Variants in COL6A2 observed in about 807,000 individuals in gnomAD.
COL6A2 encodes collagen type VI alpha 2 chain.
COL6A2 carries 90 observed loss-of-function variants against 124.9 expected under a neutral mutation model. The observed-to-expected ratio is 0.72, with a 90% CI of 0.61 to 0.86. COL6A2 has a LOEUF of 0.86. Ranked by LOEUF, COL6A2 falls within the 40% of genes least tolerant of loss-of-function variation. The pLI, the probability that COL6A2 is intolerant of heterozygous loss-of-function variation, is 0.00. For synonymous variants in COL6A2, 793 were observed against 618.2 expected, an observed-to-expected ratio of 1.28 and a Z score of -4.19; for missense variants, 1,607 against 1,502.5, an observed-to-expected ratio of 1.07 and a Z score of -1.15.
chr21:46,125,367 T>A (rs1421864546), intron 24 of COL6A2, 56 bp downstream of exon 24: 1 of 1,601,958 alleles, frequency 6.2e-7, no homozygotes, highest in Non-Finnish European at 8.5e-7. Context: ...AGGGCGGGAG[T>A]GCAGCAGGGC....
intron 12 of COL6A2, among the ~76,000 whole-genome samples, chr21:46,118,285 C>A (rs1450948166): frequency 6.6e-6 from 1 of 152,148 alleles, no homozygotes; most frequent in Non-Finnish European, 1.5e-5. Context: ...TCGCCCCGCC[C>A]CTGGCGGCCC....
At chr21:46,131,874 A>G in intron 27 of COL6A2, 80 bp from the exon 28 acceptor site, 4 of 1,347,858 alleles carry the variant, frequency 3.0e-6, no homozygotes, top group Non-Finnish European at 4.1e-6. Flanking sequence ...TGCGAATGGA[A>G]GGGCACAGGT....
rs145527336 is a variant in COL6A2 at position 46,132,277 on chromosome 21, G to C, written c.2785G>C (p.Val929Leu). ...CGTGGTGCACGCCATCAATGCCATC[G>C]TGCGCAGCCCGCGTGGCGGGGCCCG... ...AGVVHAINAI[V>L]RSPRGGARRH... The change falls in exon 28 of 28, where the codon GTG becomes CTG. Residue 929 changes from valine (V) to leucine (L), a missense_variant. Coordinates refer to ENST00000300527, the MANE Select transcript of COL6A2 (RefSeq NM_001849.4). 1 of 1,606,742 alleles carries C rather than the reference G, an allele frequency of 6.2e-7. No homozygotes were observed. The highest frequency in any genetic ancestry group is 8.5e-7 in the Non-Finnish European group (1 of 1,179,036).
At chr21:46,127,087 G>C (rs867847134) in intron 27 of COL6A2, among the ~76,000 whole-genome samples, 4 of 152,168 alleles carry the variant, frequency 2.6e-5, no homozygotes, top group African/African-American at 4.8e-5. Context: ...TGGGGGTGCC[G>C]TCCAGGCTCT....
At chr21:46,122,731 T>C in intron 20 of COL6A2, 144 bp from the exon 21 acceptor site, 2 of 874,582 alleles carry the variant, frequency 2.3e-6, no homozygotes, top group Non-Finnish European at 1.7e-6. Flanking sequence ...CAACCAAAGT[T>C]CAGGCTTTGC....
At chr21:46,121,692 C>A in intron 18 of COL6A2, 74 bp downstream of exon 18, 2 of 1,445,724 alleles carry the variant, frequency 1.4e-6, no homozygotes, top group Non-Finnish European at 9.7e-7. Flanking sequence ...AGGGGGCCGG[C>A]CTGGGGGACC....
chr21:46,120,616 T>C (rs2078549393), intron 16 of COL6A2, 39 bp downstream of exon 16: 11 of 1,436,012 alleles, frequency 7.7e-6, no homozygotes, highest in Non-Finnish European at 1.0e-5. Flanking sequence ...AGGTAGGGGA[T>C]CTGAGGGGGT....
chr21:46,125,281 A>T lies in COL6A2; in HGVS notation c.1786A>T (p.Thr596Ser). 2 of 1,612,112 alleles carry T rather than the reference A, an allele frequency of 1.2e-6. No homozygotes were observed. Among genetic ancestry groups the T allele is most frequent in the Non-Finnish European group, 1.7e-6 (2 of 1,179,564 alleles). Residue 596 changes from threonine (T) to serine (S), a missense_variant, in exon 24 of 28, where the codon ACC (threonine) becomes TCC (serine). This residue lies in a region of COL6A2 where 1,223 missense variants were observed against 1,052.2 expected (regional missense o/e 1.16). Coordinates refer to ENST00000300527, the MANE Select transcript of COL6A2 (RefSeq NM_001849.4). Reference protein sequence around the residue: ...DPGLTECDVMTYVRETCGCCD... With the variant: ...DPGLTECDVMSYVRETCGCCD... ...TGCATTGCAGGAGTGTGACGTCATG[A>T]CCTACGTGAGGGAGACCTGCGGGTG...
chr21:46,109,010 G>A (rs1210282505), intron 1 of COL6A2, among the ~76,000 whole-genome samples: 2 of 152,140 alleles, frequency 1.3e-5, no homozygotes, highest in African/African-American at 4.8e-5. Context: ...TGTCTTGTCG[G>A]CGGGTTGTCT....
In COL6A2 at chr21:46,125,958, A is replaced by C. The variant is rs780020278; in HGVS notation, c.2143A>C (p.Ile715Leu). ...CCTCAAGTTTGCCTACGACCGCCTC[A>C]TCAAGGAGAGCCGGCGCCAGAAGAC... The part of the protein sequence containing the change: ...SALKFAYDRL[I>L]KESRRQKTRV... The change falls in exon 26 of 28, where the codon ATC becomes CTC. Residue 715 changes from isoleucine (I) to leucine (L), a missense_variant. This residue lies in a region of COL6A2 where 1,223 missense variants were observed against 1,052.2 expected (regional missense o/e 1.16). Coordinates refer to ENST00000300527, the MANE Select transcript of COL6A2 (RefSeq NM_001849.4). The C allele has an allele frequency of 6.2e-7, 1 of 1,613,170 alleles. No homozygotes were observed. Among genetic ancestry groups the C allele is most frequent in the Non-Finnish European group, 8.5e-7 (1 of 1,179,918 alleles).
At chr21:46,129,388 C>T (rs749887660) in intron 27 of COL6A2, 2 of 1,613,016 alleles carry the variant, frequency 1.2e-6, no homozygotes, top group South Asian at 1.1e-5. Flanking sequence ...AAGTTCGCCA[C>T]CGGGGTAGAG....
chr21:46,130,681 C>T (rs16978897), intron 27 of COL6A2, among the ~76,000 whole-genome samples: 3,124 of 152,328 alleles, frequency 0.021, 117 homozygotes, highest in African/African-American at 0.071. Flanking sequence ...ACCAGCTGCC[C>T]CTTGCATGTC....
intron 14 of COL6A2, 62 bp from the exon 15 acceptor site, chr21:46,119,726 C>T (rs1249904857): frequency 2.0e-6 from 3 of 1,465,530 alleles, no homozygotes. Flanking sequence ...CAGCCCCCAC[C>T]CTCCACAGGC....
In COL6A2 at chr21:46,119,786, A is replaced by C; in HGVS notation, c.1270-2A>C. The stretch of plus-strand genomic sequence containing the variant: ...CCTCACCCACACGCCTGTTCTCTGC[A>C]GGGGCGCAGGGGAGACCCCGGCACC... On this transcript the variant is annotated splice_acceptor_variant, in intron 14 of 27. Transcript: ENST00000300527. LOFTEE classifies it high-confidence loss of function. The C allele has an allele frequency of 6.4e-7, 1 of 1,559,594 alleles. No homozygotes were observed. The highest frequency in any genetic ancestry group is 8.7e-7 in the Non-Finnish European group (1 of 1,151,378).
chr21:46,110,630 G>A (rs1196540427), intron 1 of COL6A2, among the ~76,000 whole-genome samples: 2 of 152,080 alleles, frequency 1.3e-5, no homozygotes, highest in African/African-American at 4.8e-5. Flanking sequence ...CCTAGTCCCG[G>A]TGCTTGGACA....
intron 27 of COL6A2, 101 bp from the exon 28 acceptor site, chr21:46,131,853 T>C (rs985529352): frequency 1.8e-6 from 2 of 1,122,908 alleles, no homozygotes; most frequent in Non-Finnish European, 2.6e-6. Context: ...TCTGTGAGGT[T>C]GCAGGCAGGG....
chr21:46,103,976 A>T (rs139955689), intron 1 of COL6A2, among the ~76,000 whole-genome samples: 59 of 152,222 alleles, frequency 3.9e-4, no homozygotes, highest in African/African-American at 1.4e-3. Context: ...AAAATAAAAA[A>T]GTCATTGCAC....
At chr21:46,119,958 C>T in intron 15 of COL6A2, 108 bp downstream of exon 15, 1 of 979,260 alleles carries the variant, frequency 1.0e-6, no homozygotes, top group Non-Finnish European at 1.6e-6. Context: ...ACCCCAGGGC[C>T]TCACTCTCCA....
At chr21:46,126,392 A>G (rs1402107928) in intron 26 of COL6A2, 111 bp from the exon 27 acceptor site, 3 of 1,542,636 alleles carry the variant, frequency 1.9e-6, no homozygotes, top group Non-Finnish European at 2.7e-6. Context: ...TCGGGGCTGC[A>G]GGGCAGAGGC....
Sources: gnomAD v4.1 joint callset for allele counts (sites outside exome capture counted in the v4.1 genomes callset) on GRCh38, gnomAD v4.1.1 for gene constraint, gnomAD v4.1.1 regional missense constraint, MANE v1.5 for transcripts, NCBI Gene and HGNC (gene_info 2026-07-23, HGNC 2026-07-21) for gene names.